CENPW: variants seen among roughly 807,000 people sequenced by gnomAD.
CENPW encodes centromere protein W.
Under a neutral mutation model 11.1 loss-of-function variants are expected in CENPW, and 3 were observed. The ratio of observed to expected loss-of-function variants is 0.27; its 90% CI spans 0.12 to 0.70. The LOEUF is 0.70. CENPW is among the 30% of genes least tolerant of loss of function. The pLI, the probability that CENPW is intolerant of heterozygous loss-of-function variation, is 0.77. For synonymous variants in CENPW, 38 were observed against 42.0 expected (o/e 0.91, Z 0.37); for missense variants, 100 against 105.6 (o/e 0.95, Z 0.23).
the CENPW span, among the ~76,000 whole-genome samples, chr6:126,451,544 AT>A: frequency 6.6e-6 from 1 of 151,000 alleles, no homozygotes; most frequent in African/African-American, 2.4e-5. Context: ...TTTTTTCTCT[AT>A]TTTCCTGCAC....
chr6:126,399,275 G>A, the CENPW span, among the ~76,000 whole-genome samples: 9 of 152,004 alleles, frequency 5.9e-5, no homozygotes, highest in African/African-American at 1.4e-4. Context: ...CATCAACAGG[G>A]TATATTATTT....
At chr6:126,405,209 C>T in the CENPW span, among the ~76,000 whole-genome samples, 3 of 152,142 alleles carry the variant, frequency 2.0e-5, no homozygotes, top group Non-Finnish European at 4.4e-5. Context: ...GTTTTTTCTT[C>T]TGCCTATAAA....
the CENPW span, among the ~76,000 whole-genome samples, chr6:126,407,896 A>C: frequency 4.3e-4 from 66 of 152,218 alleles, no homozygotes; most frequent in Non-Finnish European, 9.0e-4. Flanking sequence ...GTCCACTCTT[A>C]TGATAGGTTT....
the CENPW span, among the ~76,000 whole-genome samples, chr6:126,414,685 C>G: frequency 3.3e-5 from 5 of 151,664 alleles, no homozygotes; most frequent in African/African-American, 1.2e-4. Flanking sequence ...AAAAAGATTT[C>G]AAGTAAATGA....
chr6:126,390,068 A>G, the CENPW span, among the ~76,000 whole-genome samples: 1 of 151,962 alleles, frequency 6.6e-6, no homozygotes, highest in African/African-American at 2.4e-5. Context: ...TGCAAAAGCC[A>G]GAAAGAATGC....
chr6:126,407,277 T>C, the CENPW span, among the ~76,000 whole-genome samples: 1 of 152,256 alleles, frequency 6.6e-6, no homozygotes, highest in Non-Finnish European at 1.5e-5. Flanking sequence ...TTCCTTTTTA[T>C]GGCTGCATAG....
At chr6:126,447,310 T>C in the CENPW span, among the ~76,000 whole-genome samples, 1 of 151,196 alleles carries the variant, frequency 6.6e-6, no homozygotes, top group East Asian at 1.9e-4. Flanking sequence ...CCAAGCACAA[T>C]TTGTGAACTT....
At chr6:126,386,298 A>C in the CENPW span, among the ~76,000 whole-genome samples, 1 of 152,076 alleles carries the variant, frequency 6.6e-6, no homozygotes, top group Non-Finnish European at 1.5e-5. Flanking sequence ...TTTCAGTTAT[A>C]ACACAAACTC....
the CENPW span, among the ~76,000 whole-genome samples, chr6:126,418,011 T>C: frequency 6.6e-6 from 1 of 152,228 alleles, no homozygotes; most frequent in African/African-American, 2.4e-5. Context: ...TTCAACATTG[T>C]TAGCTCTCAG....
the CENPW span, among the ~76,000 whole-genome samples, chr6:126,393,226 A>T: frequency 5.1e-4 from 77 of 151,730 alleles, no homozygotes; most frequent in African/African-American, 1.6e-3. Flanking sequence ...TTTATGTTTT[A>T]AAAAAATTAA....
the CENPW span, among the ~76,000 whole-genome samples, chr6:126,378,306 AC>A: frequency 1.4e-4 from 22 of 152,168 alleles, no homozygotes; most frequent in African/African-American, 4.1e-4. Flanking sequence ...GCTGAAGAGC[AC>A]AAGATAATCG....
At chr6:126,388,357 C>T in the CENPW span, among the ~76,000 whole-genome samples, 1 of 151,860 alleles carries the variant, frequency 6.6e-6, no homozygotes, top group African/African-American at 2.4e-5. Context: ...GGGAAAAAGG[C>T]GATTTACAGA....
At chr6:126,465,497 A>AT in the CENPW span, among the ~76,000 whole-genome samples, 11 of 152,114 alleles carry the variant, frequency 7.2e-5, no homozygotes, top group African/African-American at 2.7e-4. Context: ...TCAAGCTGGC[A>AT]TTTTTTCGTG....
chr6:126,356,550 C>T, the CENPW span, among the ~76,000 whole-genome samples: 3 of 152,108 alleles, frequency 2.0e-5, no homozygotes, highest in Admixed American at 2.0e-4. Context: ...ATTTACATTC[C>T]CATCAATTGT....
chr6:126,360,409 T>C, the CENPW span, among the ~76,000 whole-genome samples: 1 of 152,166 alleles, frequency 6.6e-6, no homozygotes, highest in Non-Finnish European at 1.5e-5. Context: ...GCCTTAGGAA[T>C]AGTTGTCTCC....
chr6:126,405,775 T>A, the CENPW span, among the ~76,000 whole-genome samples: 23 of 152,234 alleles, frequency 1.5e-4, no homozygotes, highest in African/African-American at 4.1e-4. Context: ...AATGGTTTTT[T>A]AATTTCTTTT....
chr6:126,472,975 C>T, the CENPW span, among the ~76,000 whole-genome samples: 1 of 152,174 alleles, frequency 6.6e-6, no homozygotes, highest in Non-Finnish European at 1.5e-5. Context: ...AGATGCTCAA[C>T]ATTATTAGAC....
At chr6:126,399,013 A>T in the CENPW span, among the ~76,000 whole-genome samples, 50 of 152,134 alleles carry the variant, frequency 3.3e-4, no homozygotes, top group Non-Finnish European at 4.9e-4. Flanking sequence ...ACTGTGTAGT[A>T]TTCCATTGTG....
At chr6:126,437,884 A>T in the CENPW span, among the ~76,000 whole-genome samples, 2 of 151,908 alleles carry the variant, frequency 1.3e-5, no homozygotes, top group Non-Finnish European at 2.9e-5. Context: ...TTTAGAAAAC[A>T]TTGTGCCAAT....
Sources: gnomAD v4.1 joint callset for allele counts (sites outside exome capture counted in the v4.1 genomes callset) on GRCh38, gnomAD v4.1.1 for gene constraint, MANE v1.5 for transcripts, NCBI Gene and HGNC (gene_info 2026-07-23, HGNC 2026-07-21) for gene names.